Variants in MYH14 observed in about 807,000 individuals in gnomAD.
The protein encoded by MYH14 is myosin heavy chain 14.
In MYH14, 123 loss-of-function variants were observed where a neutral mutation model predicts 255.5. The observed-to-expected ratio is 0.48, with a 90% CI of 0.42 to 0.56. The LOEUF (loss-of-function observed/expected upper bound fraction) is 0.56. Ranked by LOEUF, MYH14 falls within the 20% of genes least tolerant of loss-of-function variation. The pLI, the probability that MYH14 is intolerant of heterozygous loss-of-function variation, is 0.00. For synonymous variants in MYH14, 1,095 were observed against 1,161.2 expected (o/e 0.94, Z 1.16); for missense variants, 2,423 against 2,802.3 (o/e 0.86, Z 3.06).
At chr19:50,288,610 T>C (rs1470793076) in intron 34 of MYH14, among the ~76,000 whole-genome samples, 1 of 152,230 alleles carries the variant, frequency 6.6e-6, no homozygotes, top group Non-Finnish European at 1.5e-5. Context: ...AAGTAGATAC[T>C]GTCAGTGACC....
Position 50,252,564 on chromosome 19 carries a change from T to C in MYH14, c.1831-75T>C. ...CCAGACCTGGGAGTCTCAGAGCTTC[T>C]GGAAGGCTCCTTAGGAAATCCAGAG... On this transcript the variant is annotated intron_variant, in intron 15 of 42. Transcript: ENST00000642316. The surrounding 1 kb of genome is among the most constrained non-coding windows in gnomAD (Gnocchi z 4.2). The C allele has an allele frequency of 9.5e-7, 1 of 1,048,484 alleles. No individual in the cohort carries two copies. The highest frequency in any genetic ancestry group is 1.4e-5 in the South Asian group (1 of 73,876). 64.9% of individuals were successfully genotyped at this position (1,048,484 alleles called of 1,614,324 possible).
chr19:50,222,704 G>A (rs1009460990), intron 3 of MYH14, among the ~76,000 whole-genome samples: 3 of 152,124 alleles, frequency 2.0e-5, no homozygotes, highest in South Asian at 2.1e-4. Context: ...CAGGGCAGGC[G>A]CTGGGGTAGA....
intron 27 of MYH14, 88 bp downstream of exon 27, chr19:50,272,819 C>G: frequency 7.4e-7 from 1 of 1,352,318 alleles, no homozygotes; most frequent in Non-Finnish European, 1.0e-6. Context: ...CTCCTGGGTA[C>G]AAACCCCAGT....
chr19:50,241,306 G>T (rs648395), intron 10 of MYH14, among the ~76,000 whole-genome samples: 20,317 of 152,158 alleles, frequency 0.13, 1,492 homozygotes, highest in South Asian at 0.17. Flanking sequence ...GTGTTGGCAT[G>T]TGCCTGTAGT....
chr19:50,228,175 A>G (rs1265928057), intron 8 of MYH14, among the ~76,000 whole-genome samples: 1 of 151,834 alleles, frequency 6.6e-6, no homozygotes, highest in Non-Finnish European at 1.5e-5. Flanking sequence ...AGTCCCAGCT[A>G]CTATGGAGGC....
intron 11 of MYH14, among the ~76,000 whole-genome samples, chr19:50,244,644 C>T (rs768113563): frequency 1.4e-4 from 21 of 151,970 alleles, no homozygotes; most frequent in Non-Finnish European, 2.6e-4. Flanking sequence ...CCACCACGCC[C>T]GGCTAATTGT....
intron 39 of MYH14, among the ~76,000 whole-genome samples, chr19:50,301,306 C>G (rs1354361858): frequency 1.3e-5 from 2 of 152,136 alleles, no homozygotes; most frequent in Non-Finnish European, 2.9e-5. Context: ...CCAAGCTCCC[C>G]CAGATGATCC....
At chr19:50,226,861 G>A (rs2123217811) in intron 7 of MYH14, 42 bp from the exon 8 acceptor site, 1 of 1,603,234 alleles carries the variant, frequency 6.2e-7, no homozygotes, top group Non-Finnish European at 8.5e-7. Context: ...GAGTGGGGAA[G>A]GGGACCCTCT....
intron 40 of MYH14, among the ~76,000 whole-genome samples, chr19:50,302,879 C>G (rs1246532048): frequency 1.3e-5 from 2 of 149,926 alleles, no homozygotes; most frequent in Non-Finnish European, 3.0e-5. Context: ...TCCAGCTTAG[C>G]AACAAGAGTG....
At chr19:50,281,932 C>A in intron 33 of MYH14, 90 bp downstream of exon 33, 1 of 1,403,796 alleles carries the variant, frequency 7.1e-7, no homozygotes, top group Non-Finnish European at 9.8e-7. Context: ...TCCGTGCTGT[C>A]ACGGCTCAAC....
chr19:50,234,996 G>A (rs2033591869), intron 10 of MYH14, among the ~76,000 whole-genome samples: 1 of 152,218 alleles, frequency 6.6e-6, no homozygotes, highest in East Asian at 1.9e-4. Flanking sequence ...ATAGGAGGAG[G>A]CATTCTCTAA....
In MYH14 at chr19:50,244,307, A is replaced by G; in HGVS notation, c.1180A>G (p.Thr394Ala). Residue 394 changes from threonine (T) to alanine (A), a missense_variant, in exon 11 of 43, where the codon ACC becomes GCC. This residue lies in a region of MYH14 where 672 missense variants were observed against 881.8 expected (regional missense o/e 0.76). Transcript: ENST00000642316. Reference protein sequence around the residue: ...GNIALKRERNTDQATMPDNTA... With the variant: ...GNIALKRERNADQATMPDNTA... ...CATTGCCTTGAAGAGAGAACGGAAC[A>G]CCGATCAAGCCACCATGCCTGACAA... 1 of 1,613,594 alleles carries G rather than the reference A, an allele frequency of 6.2e-7. No homozygotes were observed. The highest frequency in any genetic ancestry group is 8.5e-7 in the Non-Finnish European group (1 of 1,179,818).
chr19:50,264,102 A>G (rs1282603366), intron 22 of MYH14, among the ~76,000 whole-genome samples: 1 of 123,048 alleles, frequency 8.1e-6, no homozygotes, highest in Non-Finnish European at 1.7e-5. Context: ...AAAAAAAAAA[A>G]GTACATAAGT....
rs1458805675 is a variant in MYH14 at position 50,276,349 on chromosome 19, A to G, written c.3680+146A>G. On this transcript the variant is annotated intron_variant, in intron 28 of 42. Coordinates refer to ENST00000642316, the MANE Select transcript of MYH14 (RefSeq NM_001145809.2). This position sits in a 1 kb window ranked among gnomAD's most constrained non-coding sequence, Gnocchi z 4.3. Reference sequence around the variant, plus strand: ...CCGGCTCTAGGTCCGGCCTGGGTCAAGCTGGGGACAGAGATGGGTCAGACC... The same window carrying G: ...CCGGCTCTAGGTCCGGCCTGGGTCAGGCTGGGGACAGAGATGGGTCAGACC... 3 of 713,158 alleles carry G rather than the reference A, an allele frequency of 4.2e-6. No homozygotes were observed. Among genetic ancestry groups the G allele is most frequent in the Non-Finnish European group, 6.8e-6 (3 of 444,296 alleles). 44.2% of individuals were successfully genotyped at this position (713,158 alleles called of 1,614,324 possible). A position where few individuals can be genotyped will look rare whatever the true frequency, so the allele number is the denominator to read the frequency against.
rs1330143298 is a variant in MYH14, at chr19:50,276,505, C to G, written c.3681-252C>G. On this transcript the variant is annotated intron_variant, in intron 28 of 42. Transcript: ENST00000642316. This position sits in a 1 kb window ranked among gnomAD's most constrained non-coding sequence, Gnocchi z 4.3. ...TGGGTGATAAGTGAAGACCCCTAAA[C>G]CAAGTCTATGGGAGATCCAGGAAGA... 6.6e-6 allele frequency among the ~76,000 whole-genome samples: 1 copy of G among 152,072 alleles called. No homozygotes were observed. The highest frequency in any genetic ancestry group is 2.4e-5 in the African/African-American group (1 of 41,402).
intron 12 of MYH14, 37 bp from the exon 13 acceptor site, chr19:50,248,950 T>C (rs754896667): frequency 9.3e-6 from 15 of 1,610,040 alleles, no homozygotes; most frequent in Non-Finnish European, 1.3e-5. Context: ...TCTGCTGATG[T>C]GCAGGCTGCG....
intron 1 of MYH14, among the ~76,000 whole-genome samples, chr19:50,204,824 G>A (rs1362795151): frequency 6.6e-6 from 1 of 152,096 alleles, no homozygotes; most frequent in East Asian, 1.9e-4. Context: ...GAGCCCAGGA[G>A]GTCAAGGCTG....
At chr19:50,264,948 T>C (rs1395268889) in intron 22 of MYH14, among the ~76,000 whole-genome samples, 1 of 152,228 alleles carries the variant, frequency 6.6e-6, no homozygotes, top group Non-Finnish European at 1.5e-5. Context: ...TTGGGGGCAG[T>C]AATGTAATTC....
At chr19:50,238,309 A>G (rs1308332662) in intron 10 of MYH14, among the ~76,000 whole-genome samples, 2 of 152,244 alleles carry the variant, frequency 1.3e-5, no homozygotes, top group African/African-American at 4.8e-5. Flanking sequence ...GCCAACTGCA[A>G]GAGGCCATTT....
Sources: allele counts gnomAD v4.1 joint callset (sites outside exome capture counted in the v4.1 genomes callset), GRCh38; gene constraint gnomAD v4.1.1; regional missense constraint gnomAD v4.1.1; non-coding constraint Gnocchi (gnomAD v3.1); transcripts MANE v1.5; gene names NCBI Gene and HGNC (gene_info 2026-07-23, HGNC 2026-07-21).